The following PDCD6IP variants were observed in gnomAD, a reference collection of about 807,000 sequenced individuals.
PDCD6IP encodes the protein programmed cell death 6-interacting protein.
PDCD6IP carries 43 observed loss-of-function variants against 103.7 expected under a neutral mutation model. The observed-to-expected ratio is 0.41, with a 90% CI of 0.32 to 0.53. PDCD6IP has a LOEUF of 0.53. Among genes scored for constraint, PDCD6IP ranks in the 20% least tolerant of loss-of-function variants. The pLI, the probability that PDCD6IP is intolerant of heterozygous loss-of-function variation, is 0.16. For missense variants in PDCD6IP, 871 were observed against 1,036.7 expected (o/e 0.84, Z 2.20); for synonymous variants, 354 against 378.7 (o/e 0.93, Z 0.76).
rs569963371 is a variant in PDCD6IP, at chr3:33,841,601, G to T, written c.1182-296G>T. The stretch of plus-strand genomic sequence containing the variant: ...CTACAGGCGCCCGCCACCACGCCCG[G>T]CTAATTTTTTGTATTTTTAGTAGAG... On this transcript the variant is annotated intron_variant, in intron 9 of 17. Transcript: ENST00000307296. Among the ~76,000 whole-genome samples the T allele has an allele frequency of 9.1e-4, 137 of 151,374 alleles. No homozygotes were observed. In the Middle Eastern group the frequency reaches 0.01, roughly 11 times the overall value.
chr3:33,851,895 C>A (rs951750668), intron 12 of PDCD6IP, among the ~76,000 whole-genome samples: 1 of 152,196 alleles, frequency 6.6e-6, no homozygotes, highest in Admixed American at 6.5e-5. Context: ...ATGCTTGCTT[C>A]ATAGCTGTCT....
chr3:33,821,747 G>C (rs1037159081), intron 3 of PDCD6IP, among the ~76,000 whole-genome samples: 1 of 152,228 alleles, frequency 6.6e-6, no homozygotes, highest in Non-Finnish European at 1.5e-5. Flanking sequence ...GTTCTTCAGC[G>C]TTTTGGGTGA....
chr3:33,801,870 T>C (rs1347914413), intron 1 of PDCD6IP, among the ~76,000 whole-genome samples: 1 of 152,212 alleles, frequency 6.6e-6, no homozygotes, highest in Non-Finnish European at 1.5e-5. Context: ...TAGTCTTCCA[T>C]GAAAAAGTCT....
intron 7 of PDCD6IP, among the ~76,000 whole-genome samples, chr3:33,833,058 T>C (rs1380207701): frequency 6.6e-6 from 1 of 152,184 alleles, no homozygotes; most frequent in African/African-American, 2.4e-5. Flanking sequence ...TCCTCATTTT[T>C]TTGGAGTATT....
At position 33,825,305 on chromosome 3, in the gene PDCD6IP, A is replaced by G; in HGVS notation, c.581A>G (p.Gln194Arg). 1 of 1,605,336 alleles carries G rather than the reference A, an allele frequency of 6.2e-7. No individual in the cohort carries two copies. Among genetic ancestry groups the G allele is most frequent in the Non-Finnish European group, 8.5e-7 (1 of 1,178,138 alleles). Residue 194 changes from glutamine (Q) to arginine (R), a missense_variant, in exon 5 of 18, where the codon CAG (glutamine) becomes CGG (arginine). Physicochemically the swap from Gln to Arg is conservative, Grantham distance 43. This residue lies in a region of PDCD6IP where 242 missense variants were observed against 250.7 expected (regional missense o/e 0.97). Transcript: ENST00000307296. ...VGTLSLIMLA[Q>R]AQEVFFLKAT... ...ACCCTCAGTCTTATTATGCTGGCAC[A>G]GGCTCAAGAAGTATTTTTTTTAAAA...
At chr3:33,808,662 G>T (rs2125544130) in intron 1 of PDCD6IP, among the ~76,000 whole-genome samples, 1 of 152,314 alleles carries the variant, frequency 6.6e-6, no homozygotes, top group East Asian at 1.9e-4. Context: ...TACTACGGTA[G>T]CTTCCTAACT....
chr3:33,808,495 T>A (rs1235466112), intron 1 of PDCD6IP, among the ~76,000 whole-genome samples: 1 of 152,082 alleles, frequency 6.6e-6, no homozygotes, highest in East Asian at 1.9e-4. Context: ...CCCAGGGTGG[T>A]CTCAAACCCC....
chr3:33,868,552 C>T lies in PDCD6IP; in HGVS notation c.*2027C>T, dbSNP rs1029365770. 1.3e-5 allele frequency: 2 copies of T among 152,714 alleles called. No homozygotes were observed. Among genetic ancestry groups the T allele is most frequent in the South Asian group, 4.1e-4 (2 of 4,826 alleles). The allele number at this position is 152,714 out of a possible 1,614,324, so 9.5% of individuals were successfully genotyped here. A position where few individuals can be genotyped will look rare whatever the true frequency, so the allele number is the denominator to read the frequency against. On this transcript the variant is annotated 3_prime_UTR_variant, in exon 18 of 18. Coordinates refer to ENST00000307296, the MANE Select transcript of PDCD6IP (RefSeq NM_013374.6). ...CCTTTTAAATGTAGCAACACAAACC[C>T]TTTCCCTCTTGTCAGTTCACTCATC...
chr3:33,799,660 AAT>A (rs1696424310), intron 1 of PDCD6IP: 2 of 152,224 alleles, frequency 1.3e-5, no homozygotes, highest in Non-Finnish European at 1.5e-5. Context: ...CATGATACTT[AAT>A]AGTTATAAGA....
chr3:33,865,463 C>T, intron 17 of PDCD6IP, 33 bp downstream of exon 17: 3 of 1,546,096 alleles, frequency 1.9e-6, no homozygotes, highest in South Asian at 1.3e-5. Flanking sequence ...CCCAAGTTGG[C>T]TAATGTTGTT....
intron 3 of PDCD6IP, among the ~76,000 whole-genome samples, chr3:33,821,371 G>A (rs113525965): frequency 0.04 from 6,109 of 151,998 alleles, 188 homozygotes; most frequent in Middle Eastern, 0.071. Context: ...CTTCATCAAT[G>A]CTTATTTTCT....
At chr3:33,802,492 C>CTTTTTTT (rs1167190234) in intron 1 of PDCD6IP, among the ~76,000 whole-genome samples, 1 of 142,558 alleles carries the variant, frequency 7.0e-6, no homozygotes. Flanking sequence ...TTTCTTTTTT[C>CTTTTTTT]TTTTTTTTTT....
intron 3 of PDCD6IP, 54 bp downstream of exon 3, chr3:33,813,682 G>C: frequency 1.0e-6 from 1 of 978,776 alleles, no homozygotes; most frequent in Non-Finnish European, 1.6e-6. Flanking sequence ...ACTTTGCATT[G>C]TTTTTAGTTT....
intron 7 of PDCD6IP, among the ~76,000 whole-genome samples, chr3:33,832,865 T>C (rs1255777945): frequency 6.6e-6 from 1 of 152,166 alleles, no homozygotes; most frequent in Non-Finnish European, 1.5e-5. Context: ...TCCTGACTAT[T>C]CTTGCATGTG....
At chr3:33,850,090 A>G (rs1697680895) in intron 12 of PDCD6IP, among the ~76,000 whole-genome samples, 1 of 152,136 alleles carries the variant, frequency 6.6e-6, no homozygotes, top group Admixed American at 6.5e-5. Flanking sequence ...CCTTTGTTAG[A>G]AGTTATGTTG....
intron 3 of PDCD6IP, 57 bp from the exon 4 acceptor site, chr3:33,821,898 A>C: frequency 6.6e-7 from 1 of 1,526,002 alleles, no homozygotes; most frequent in Non-Finnish European, 8.9e-7. Flanking sequence ...TCTTTGAAAC[A>C]TTTGTTTTCT....
At chr3:33,835,872 TA>T (rs1328026432) in intron 7 of PDCD6IP, among the ~76,000 whole-genome samples, 171 bp from the exon 8 acceptor site, 2 of 152,232 alleles carry the variant, frequency 1.3e-5, no homozygotes, top group South Asian at 2.1e-4. Flanking sequence ...AGTTTTCGGG[TA>T]TTTTGTGATC....
In PDCD6IP at chr3:33,815,271, T is replaced by C. The variant is rs531051878; in HGVS notation, c.334+1643T>C. On this transcript the variant is annotated intron_variant, in intron 3 of 17. Transcript: ENST00000307296. ...GAGGGTGATGATATTAGAAAGCAGA[T>C]TGTGGAGAGTTGCAAATATTATGCT... Among the ~76,000 whole-genome samples the C allele has an allele frequency of 3.9e-5, 6 of 151,948 alleles. No individual in the cohort carries two copies. In the South Asian group the frequency reaches 6.2e-4, roughly 16 times the overall value.
intron 16 of PDCD6IP, among the ~76,000 whole-genome samples, chr3:33,864,449 CTGAG>C (rs1698021721): frequency 1.3e-5 from 2 of 152,116 alleles, no homozygotes; most frequent in East Asian, 1.9e-4. Flanking sequence ...TATGAAATAA[CTGAG>C]TTGATCATTT....
Sources: gnomAD v4.1 joint callset for allele counts (sites outside exome capture counted in the v4.1 genomes callset) on GRCh38, gnomAD v4.1.1 for gene constraint, gnomAD v4.1.1 regional missense constraint, MANE v1.5 for transcripts, NCBI Gene and HGNC (gene_info 2026-07-23, HGNC 2026-07-21) for gene names.